The following PRELID2 variants were observed in gnomAD, a reference collection of about 807,000 sequenced individuals.
PRELID2 encodes PRELI domain-containing protein 2.
A neutral mutation model predicts 28.4 loss-of-function variants in PRELID2; 25 were observed. The ratio of observed to expected loss-of-function variants is 0.88; its 90% CI spans 0.64 to 1.23. The LOEUF (loss-of-function observed/expected upper bound fraction) is 1.23. PRELID2 is among the 50% of genes most tolerant of loss of function. PRELID2 has a pLI of 0.00. For missense variants in PRELID2, 201 were observed against 214.4 expected (o/e 0.94, Z 0.39); for synonymous variants, 76 against 71.6 (o/e 1.06, Z -0.31).
chr5:145,429,011 G>A, the PRELID2 span, among the ~76,000 whole-genome samples: 2 of 152,102 alleles, frequency 1.3e-5, no homozygotes, highest in African/African-American at 4.8e-5. Context: ...GGCCTTGGAA[G>A]CCTTTGTAAA....
At chr5:145,696,156 C>CTTTTTT (rs10591669) in intron 1 of PRELID2, among the ~76,000 whole-genome samples, 4 of 60,006 alleles carry the variant, frequency 6.7e-5, no homozygotes, top group African/African-American at 1.5e-4. Context: ...TAAATAATAG[C>CTTTTTT]TTTTTTTTTT....
chr5:145,404,369 G>A, the PRELID2 span, among the ~76,000 whole-genome samples: 3 of 152,192 alleles, frequency 2.0e-5, no homozygotes, highest in African/African-American at 7.2e-5. Context: ...ATCAAATAGA[G>A]ACAGGGATTC....
intron 1 of PRELID2, among the ~76,000 whole-genome samples, chr5:145,634,677 T>G (rs375461998): frequency 1.3e-5 from 2 of 152,234 alleles, no homozygotes; most frequent in East Asian, 1.9e-4. Flanking sequence ...GCATTCAACA[T>G]ACTCTAATAG....
At chr5:145,401,604 T>C in the PRELID2 span, among the ~76,000 whole-genome samples, 1 of 152,258 alleles carries the variant, frequency 6.6e-6, no homozygotes, top group East Asian at 1.9e-4. Context: ...GTGTGAGGAC[T>C]CCCTCTTTGC....
At chr5:145,574,282 CT>C (rs1453125207) in intron 1 of PRELID2, among the ~76,000 whole-genome samples, 1 of 152,184 alleles carries the variant, frequency 6.6e-6, no homozygotes. Flanking sequence ...TCCCTAGAGA[CT>C]CCAGAAATTA....
intron 1 of PRELID2, among the ~76,000 whole-genome samples, chr5:145,648,994 G>T (rs1007382780): frequency 1.3e-5 from 2 of 151,990 alleles, no homozygotes; most frequent in Non-Finnish European, 2.9e-5. Flanking sequence ...AAAGCATTTT[G>T]TTTTTCACTT....
At chr5:145,361,436 A>G in the PRELID2 span, among the ~76,000 whole-genome samples, 1 of 152,158 alleles carries the variant, frequency 6.6e-6, no homozygotes, top group African/African-American at 2.4e-5. Context: ...TCTTCTGCTG[A>G]CTGCTGAGTT....
the PRELID2 span, among the ~76,000 whole-genome samples, chr5:145,375,208 T>C: frequency 6.6e-6 from 1 of 152,132 alleles, no homozygotes; most frequent in African/African-American, 2.4e-5. Context: ...TGTTTGTTTT[T>C]CTTTCAATAA....
chr5:145,666,674 T>G lies in PRELID2; in HGVS notation n.70+98257A>C, dbSNP rs80243212. Among the ~76,000 whole-genome samples, 17 of 152,208 alleles carry G rather than the reference T, an allele frequency of 1.1e-4. No individual in the cohort carries two copies. The East Asian group carries it at 3.1e-3, about 28-fold the overall frequency. On this transcript the variant is annotated intron_variant and non_coding_transcript_variant, in intron 1 of 2. Coordinates refer to the PRELID2 transcript ENST00000510259. ...TGTGTAGTAACTCCATTTAGTCACT[T>G]AAGAACATGGTTATTAATTGTCTGT...
intron 1 of PRELID2, among the ~76,000 whole-genome samples, chr5:145,494,383 C>G (rs1752291666): frequency 6.6e-6 from 1 of 152,158 alleles, no homozygotes; most frequent in African/African-American, 2.4e-5. Flanking sequence ...AAATATTTTC[C>G]GTATGTTGGA....
At chr5:145,373,846 T>G in the PRELID2 span, among the ~76,000 whole-genome samples, 3 of 93,630 alleles carry the variant, frequency 3.2e-5, no homozygotes, top group Non-Finnish European at 5.8e-5. Flanking sequence ...ATATATAATA[T>G]ATATGATATT....
At chr5:145,613,359 T>TATGTATACATGTGTATAC (rs1161675489) in intron 1 of PRELID2, among the ~76,000 whole-genome samples, 16 of 151,930 alleles carry the variant, frequency 1.1e-4, no homozygotes, top group Admixed American at 1.0e-3. Flanking sequence ...GTTTGTTACA[T>TATGTATACATGTGTATAC]ATGTATACAT....
chr5:145,465,848 T>C, the PRELID2 span, among the ~76,000 whole-genome samples: 1 of 152,144 alleles, frequency 6.6e-6, no homozygotes, highest in Non-Finnish European at 1.5e-5. Flanking sequence ...GAGCCAGAGA[T>C]GCAGGCAAAC....
chr5:145,318,619 C>T, the PRELID2 span, among the ~76,000 whole-genome samples: 2 of 152,164 alleles, frequency 1.3e-5, no homozygotes, highest in Admixed American at 6.5e-5. Flanking sequence ...TGCACTCAAA[C>T]CCCTTACAGG....
At chr5:145,575,235 C>T (rs1450850984) in intron 1 of PRELID2, among the ~76,000 whole-genome samples, 2 of 152,186 alleles carry the variant, frequency 1.3e-5, no homozygotes, top group African/African-American at 4.8e-5. Flanking sequence ...TATTTACTAC[C>T]TGCTGATACT....
At chr5:145,428,348 G>C in the PRELID2 span, among the ~76,000 whole-genome samples, 1 of 152,202 alleles carries the variant, frequency 6.6e-6, no homozygotes, top group Middle Eastern at 3.4e-3. Flanking sequence ...CTCACCCATT[G>C]TAAGAATCTC....
intron 1 of PRELID2, 89 bp downstream of exon 1, chr5:145,835,088 G>T: frequency 1.1e-6 from 1 of 871,072 alleles, no homozygotes; most frequent in Non-Finnish European, 1.8e-6. Context: ...AGACACTGGC[G>T]GTGCCAGCTT....
In PRELID2 at chr5:145,796,498, G is replaced by A; in HGVS notation, c.418C>T (p.Leu140Phe). The stretch of plus-strand genomic sequence containing the variant: ...GCAAAAGTTTCTAAAACACAGTTGA[G>A]AAATCCAACCCCTGTGATTGAAATC... ...GRISITGVGF[L>F]NCVLETFAST... The change falls in exon 5 of 7, where the codon CTC becomes TTC. Residue 140 changes from leucine to phenylalanine, a missense_variant. Leu to Phe is a conservative substitution (Grantham distance 22). Transcript: ENST00000683046. 1 of 1,610,532 alleles carries A rather than the reference G, an allele frequency of 6.2e-7. No individual in the cohort carries two copies.
At chr5:145,528,977 C>A (rs1752633397) in intron 1 of PRELID2, among the ~76,000 whole-genome samples, 1 of 152,166 alleles carries the variant, frequency 6.6e-6, no homozygotes, top group South Asian at 2.1e-4. Flanking sequence ...TATCCCTAAT[C>A]TTTCTAGACA....
Sources: gnomAD v4.1 joint callset for allele counts (sites outside exome capture counted in the v4.1 genomes callset) on GRCh38, gnomAD v4.1.1 for gene constraint, MANE v1.5 for transcripts, NCBI Gene and HGNC (gene_info 2026-07-23, HGNC 2026-07-21) for gene names.